The following MTCL1 variants were observed in gnomAD, a reference collection of about 807,000 sequenced individuals.
MTCL1 encodes microtubule crosslinking factor 1, also known as microtubule cross-linking factor 1.
A neutral mutation model predicts 141.4 loss-of-function variants in MTCL1; 79 were observed. The ratio of observed to expected loss-of-function variants is 0.56; its 90% CI spans 0.47 to 0.67. The LOEUF (loss-of-function observed/expected upper bound fraction) is 0.67, where lower values mean the gene tolerates loss of function less well. MTCL1 is among the 30% of genes least tolerant of loss of function. The pLI is 0.00. For missense variants in MTCL1, 2,177 were observed against 2,113.9 expected (o/e 1.03, Z -0.59); for synonymous variants, 914 against 875.8 (o/e 1.04, Z -0.77).
intron 12 of MTCL1, among the ~76,000 whole-genome samples, chr18:8,817,826 A>C (rs1276284336): frequency 1.3e-5 from 2 of 152,232 alleles, no homozygotes; most frequent in Non-Finnish European, 2.9e-5. Flanking sequence ...CTTGTCATCC[A>C]ATAAAGGCAC....
chr18:8,789,549 C>T, intron 7 of MTCL1: 1 of 985,428 alleles, frequency 1.0e-6, no homozygotes, highest in Non-Finnish European at 1.2e-6. Context: ...TGGGATGCAG[C>T]TCTATTGGGG....
intron 4 of MTCL1, among the ~76,000 whole-genome samples, chr18:8,761,678 C>A (rs2149003331): frequency 6.6e-6 from 1 of 152,314 alleles, no homozygotes; most frequent in East Asian, 1.9e-4. Flanking sequence ...CTGGGGAGAC[C>A]TTACAATCAT....
chr18:8,816,813 C>T (rs1052281568), intron 12 of MTCL1, among the ~76,000 whole-genome samples: 9 of 152,106 alleles, frequency 5.9e-5, no homozygotes, highest in Non-Finnish European at 1.0e-4. Context: ...TTAAAATGTT[C>T]GACTTGCATT....
chr18:8,824,427 A>T (rs1328088637), intron 14 of MTCL1, among the ~76,000 whole-genome samples: 1 of 152,198 alleles, frequency 6.6e-6, no homozygotes, highest in Non-Finnish European at 1.5e-5. Flanking sequence ...GGCCTCCCAA[A>T]GTGTTGGGAT....
At chr18:8,763,693 C>G (rs1402619636) in intron 4 of MTCL1, among the ~76,000 whole-genome samples, 1 of 152,202 alleles carries the variant, frequency 6.6e-6, no homozygotes, top group Non-Finnish European at 1.5e-5. Flanking sequence ...CTTGTCAGTT[C>G]CAAAGAGGAG....
At chr18:8,817,119 C>A (rs918753232) in intron 12 of MTCL1, among the ~76,000 whole-genome samples, 1 of 152,164 alleles carries the variant, frequency 6.6e-6, no homozygotes, top group Non-Finnish European at 1.5e-5. Context: ...TTCACTCACA[C>A]CCTCAGTGCA....
chr18:8,706,669 C>T (rs1444764057), exon 1 of MTCL1: 1 of 1,546,544 alleles, frequency 6.5e-7, no homozygotes, highest in South Asian at 1.2e-5. Flanking sequence ...AGAAGAGCTG[C>T]TGCGGGAGAT....
exon 17 of MTCL1, chr18:8,832,255 T>C (rs2077210785): frequency 5.7e-6 from 1 of 176,372 alleles, no homozygotes; most frequent in African/African-American, 2.4e-5. Context: ...ATTTTGTCAG[T>C]GTTACTGTTT....
At chr18:8,725,717 A>G (rs2096203766) in intron 4 of MTCL1, among the ~76,000 whole-genome samples, 1 of 135,298 alleles carries the variant, frequency 7.4e-6, no homozygotes, top group South Asian at 2.3e-4. Context: ...ATAATTGCGC[A>G]TTTTAATTTT....
chr18:8,826,309 T>C (rs958663890), intron 15 of MTCL1, 77 bp downstream of exon 14: 3 of 1,299,504 alleles, frequency 2.3e-6, no homozygotes, highest in Non-Finnish European at 3.1e-6. Flanking sequence ...GGACTTGGGA[T>C]TGTGCTCTGT....
intron 4 of MTCL1, among the ~76,000 whole-genome samples, chr18:8,760,507 T>C (rs1391972792): frequency 6.6e-6 from 1 of 152,238 alleles, no homozygotes; most frequent in Non-Finnish European, 1.5e-5. Context: ...CCCACTCACC[T>C]GCTAGGAAGC....
intron 1 of MTCL1, among the ~76,000 whole-genome samples, chr18:8,708,962 G>A (rs531401454): frequency 6.6e-6 from 1 of 152,284 alleles, no homozygotes; most frequent in Middle Eastern, 3.4e-3. Flanking sequence ...GTACTCATTT[G>A]GCCACTCAGA....
chr18:8,733,825 G>C (rs2096263302), intron 4 of MTCL1, among the ~76,000 whole-genome samples: 1 of 152,172 alleles, frequency 6.6e-6, no homozygotes. Flanking sequence ...GCTTGGCCAG[G>C]CCGTTTTTAC....
intron 1 of MTCL1, 86 bp downstream of exon 1, chr18:8,706,799 G>A: frequency 1.3e-6 from 2 of 1,516,574 alleles, no homozygotes; most frequent in South Asian, 2.5e-5. Flanking sequence ...TCCTTCCCGG[G>A]CCTGTCCAGC....
chr18:8,820,627 C>T (rs2076814770), intron 13 of MTCL1, among the ~76,000 whole-genome samples: 2 of 152,144 alleles, frequency 1.3e-5, no homozygotes, highest in Non-Finnish European at 2.9e-5. Flanking sequence ...ACAGTCCCAC[C>T]CTGTCTGATC....
At chr18:8,809,837 G>C (rs2076422166) in intron 11 of MTCL1, 2 of 494,366 alleles carry the variant, frequency 4.0e-6, no homozygotes, top group Non-Finnish European at 7.3e-6. Context: ...ACTGGGACTT[G>C]AAAAGGGCTG....
At chr18:8,827,653 C>T (rs2077068247) in intron 15 of MTCL1, among the ~76,000 whole-genome samples, 1 of 152,174 alleles carries the variant, frequency 6.6e-6, no homozygotes, top group South Asian at 2.1e-4. Flanking sequence ...TATGTGAGTG[C>T]CCTGCCTTCT....
chr18:8,814,122 T>C (rs537245122), intron 12 of MTCL1, among the ~76,000 whole-genome samples: 3 of 152,266 alleles, frequency 2.0e-5, no homozygotes, highest in African/African-American at 7.2e-5. Flanking sequence ...TTTTGACAAA[T>C]GTGCTCTATT....
chr18:8,789,738 AAG>A, intron 7 of MTCL1: 5 of 984,634 alleles, frequency 5.1e-6, no homozygotes, highest in Non-Finnish European at 6.0e-6. Flanking sequence ...TGAACAAAAA[AAG>A]GGTTTTTTTT....
Sources: gnomAD v4.1 joint callset for allele counts (sites outside exome capture counted in the v4.1 genomes callset) on GRCh38, gnomAD v4.1.1 for gene constraint, MANE v1.5 for transcripts, NCBI Gene and HGNC (gene_info 2026-07-23, HGNC 2026-07-21) for gene names.